CTNNBL1: variants seen among roughly 807,000 people sequenced by gnomAD.
CTNNBL1 encodes the protein beta-catenin-like protein 1.
Under a neutral mutation model 72.7 loss-of-function variants are expected in CTNNBL1, and 31 were observed. That is an observed-to-expected ratio of 0.43 (90% CI 0.32 to 0.58). The LOEUF is 0.58. Among genes scored for constraint, CTNNBL1 ranks in the 20% least tolerant of loss-of-function variants. The probability of loss-of-function intolerance (pLI) is 0.08; values close to 1 mark genes in which losing one functional copy is unlikely to be tolerated. For synonymous variants in CTNNBL1, 240 were observed against 267.3 expected, an observed-to-expected ratio of 0.90 and a Z score of 1.00; for missense variants, 534 against 725.1, an observed-to-expected ratio of 0.74 and a Z score of 3.03.
rs147686867 is a variant in CTNNBL1, at chr20:37,858,827, A to G, written c.1393-1072A>G. On this transcript the variant is annotated intron_variant, in intron 13 of 15. Coordinates refer to ENST00000361383, the MANE Select transcript of CTNNBL1 (RefSeq NM_030877.5). ...GTTACAAAGGAGACTCCTGTGACTT[A>G]ATTAGGGCTTTGGCCTGGGGAGTGT... Among the ~76,000 whole-genome samples the G allele has an allele frequency of 1.6e-3, 250 of 152,152 alleles. 1 individual carries two copies. Among genetic ancestry groups the G allele is most frequent in the African/African-American group, 5.8e-3 (240 of 41,508 alleles).
intron 3 of CTNNBL1, 83 bp from the exon 4 acceptor site, chr20:37,746,385 C>A: frequency 6.8e-7 from 1 of 1,473,640 alleles, no homozygotes; most frequent in South Asian, 1.2e-5. Context: ...GACAGATTGC[C>A]TTGTTGTCTA....
At chr20:37,762,162 AC>A (rs2073423320) in intron 5 of CTNNBL1, among the ~76,000 whole-genome samples, 2 of 152,212 alleles carry the variant, frequency 1.3e-5, no homozygotes, top group Non-Finnish European at 2.9e-5. Context: ...CAGCTAGGAT[AC>A]AACAGGCCTG....
chr20:37,827,794 A>C (rs1295616338), intron 11 of CTNNBL1, among the ~76,000 whole-genome samples: 3 of 152,170 alleles, frequency 2.0e-5, no homozygotes. Flanking sequence ...AGACCTGGTC[A>C]TGCAGCTTAT....
intron 1 of CTNNBL1, among the ~76,000 whole-genome samples, chr20:37,716,791 A>C (rs1476726497): frequency 1.3e-5 from 2 of 152,310 alleles, no homozygotes; most frequent in South Asian, 2.1e-4. Context: ...TATTGCCCAT[A>C]ATGTTGAAAA....
chr20:37,869,243 T>C (rs2072562142), intron 15 of CTNNBL1, among the ~76,000 whole-genome samples: 1 of 152,108 alleles, frequency 6.6e-6, no homozygotes, highest in South Asian at 2.1e-4. Context: ...AATAAAGAGG[T>C]AGCAGGAGCA....
intron 1 of CTNNBL1, among the ~76,000 whole-genome samples, chr20:37,729,749 G>A (rs899623663): frequency 6.6e-6 from 1 of 152,158 alleles, no homozygotes; most frequent in African/African-American, 2.4e-5. Context: ...CAGATTTCCA[G>A]TTGGAAGCCT....
chr20:37,703,049 T>A (rs1049381564), intron 1 of CTNNBL1, among the ~76,000 whole-genome samples: 1 of 152,244 alleles, frequency 6.6e-6, no homozygotes, highest in African/African-American at 2.4e-5. Context: ...TTCTTTATTA[T>A]CATATCTTGC....
At chr20:37,845,454 G>T (rs1436236548) in intron 13 of CTNNBL1, among the ~76,000 whole-genome samples, 1 of 152,210 alleles carries the variant, frequency 6.6e-6, no homozygotes, top group Non-Finnish European at 1.5e-5. Flanking sequence ...ACAAACATCT[G>T]TCTCCTTGAT....
chr20:37,776,437 A>G (rs984367406), intron 7 of CTNNBL1, among the ~76,000 whole-genome samples: 1 of 152,192 alleles, frequency 6.6e-6, no homozygotes, highest in Non-Finnish European at 1.5e-5. Flanking sequence ...TGTCTTTTCC[A>G]AGTACAGAAA....
At chr20:37,702,372 TG>T (rs967686618) in intron 1 of CTNNBL1, among the ~76,000 whole-genome samples, 7 of 152,314 alleles carry the variant, frequency 4.6e-5, no homozygotes, top group African/African-American at 1.7e-4. Flanking sequence ...TTCTGTTATA[TG>T]GGTTTTTTGG....
At chr20:37,729,818 C>G (rs535720740) in intron 1 of CTNNBL1, among the ~76,000 whole-genome samples, 1 of 152,188 alleles carries the variant, frequency 6.6e-6, no homozygotes, top group Non-Finnish European at 1.5e-5. Context: ...ACCACCACCT[C>G]CTTTTTTATT....
intron 1 of CTNNBL1, among the ~76,000 whole-genome samples, chr20:37,730,900 C>T (rs1453192334): frequency 6.6e-6 from 1 of 152,128 alleles, no homozygotes; most frequent in Non-Finnish European, 1.5e-5. Context: ...AGTGCCAGTT[C>T]TATTTTCAGT....
intron 11 of CTNNBL1, among the ~76,000 whole-genome samples, chr20:37,811,192 G>A (rs184916911): frequency 8.5e-5 from 13 of 152,204 alleles, no homozygotes; most frequent in Admixed American, 3.9e-4. Context: ...AACCTTCCCC[G>A]AGAGGATATA....
At chr20:37,759,259 G>T (rs1424635091) in intron 5 of CTNNBL1, among the ~76,000 whole-genome samples, 1 of 152,158 alleles carries the variant, frequency 6.6e-6, no homozygotes, top group Admixed American at 6.6e-5. Flanking sequence ...AAAGACTGTG[G>T]CACTTGCTCC....
chr20:37,717,610 CTTTTCTT>C (rs890098773), intron 1 of CTNNBL1, among the ~76,000 whole-genome samples: 6 of 146,210 alleles, frequency 4.1e-5, no homozygotes, highest in South Asian at 2.1e-4. Context: ...TTTCTTTTTT[CTTTTCTT>C]TTTTTTTTTA....
At chr20:37,816,321 G>A (rs927190613) in intron 11 of CTNNBL1, among the ~76,000 whole-genome samples, 2 of 152,188 alleles carry the variant, frequency 1.3e-5, no homozygotes, top group Admixed American at 6.5e-5. Flanking sequence ...GGTCCTGGGG[G>A]TGATTTTCTG....
intron 15 of CTNNBL1, among the ~76,000 whole-genome samples, chr20:37,869,166 G>A (rs956395851): frequency 2.6e-5 from 4 of 152,182 alleles, no homozygotes; most frequent in Admixed American, 2.6e-4. Context: ...CACACAGCTG[G>A]CACATGCCTG....
chr20:37,737,039 C>T (rs191203310), intron 2 of CTNNBL1, among the ~76,000 whole-genome samples: 154 of 151,842 alleles, frequency 1.0e-3, no homozygotes, highest in African/African-American at 3.5e-3. Context: ...CTGGCTAACA[C>T]GAAGAAACCC....
In CTNNBL1 at chr20:37,787,633, C is replaced by T. The variant is rs144436030; in HGVS notation, c.1031+8298C>T. Among the ~76,000 whole-genome samples the T allele has an allele frequency of 2.3e-4, 35 of 152,270 alleles. No individual in the cohort carries two copies. The East Asian group carries it at 2.3e-3, about 10-fold the overall frequency. On this transcript the variant is annotated intron_variant, in intron 10 of 15. Transcript: ENST00000361383. ...TGCTGGGATTACAGGCGTGAGCCAC[C>T]GCGCCCGGCCCATAACTGTGTTTTT...
Sources: allele counts gnomAD v4.1 joint callset (sites outside exome capture counted in the v4.1 genomes callset), GRCh38; gene constraint gnomAD v4.1.1; transcripts MANE v1.5; gene names NCBI Gene and HGNC (gene_info 2026-07-23, HGNC 2026-07-21).